SIPA1L2: variants seen among roughly 807,000 people sequenced by gnomAD.
SIPA1L2 encodes the protein signal induced proliferation associated 1 like 2.
SIPA1L2 carries 56 observed loss-of-function variants against 163.9 expected under a neutral mutation model. The observed-to-expected ratio is 0.34, with a 90% CI of 0.28 to 0.43. The LOEUF (loss-of-function observed/expected upper bound fraction) is 0.43. SIPA1L2 is among the 20% of genes least tolerant of loss of function. The pLI, the probability that SIPA1L2 is intolerant of heterozygous loss-of-function variation, is 1.00. For synonymous variants in SIPA1L2, 877 were observed against 865.7 expected, an observed-to-expected ratio of 1.01 and a Z score of -0.23; for missense variants, 1,974 against 2,193.5, an observed-to-expected ratio of 0.90 and a Z score of 2.00.
chr1:232,455,702 G>A (rs966393096), intron 10 of SIPA1L2, among the ~76,000 whole-genome samples: 20 of 122,222 alleles, frequency 1.6e-4, no homozygotes, highest in South Asian at 8.2e-4. Flanking sequence ...GCAACAGAGC[G>A]AGACTCTGTC....
At chr1:232,556,402 T>C (rs904563999) in intron 2 of SIPA1L2, among the ~76,000 whole-genome samples, 7 of 152,038 alleles carry the variant, frequency 4.6e-5, no homozygotes, top group Admixed American at 2.0e-4. Flanking sequence ...AAACTTCTTC[T>C]CTCCCTTTAG....
chr1:232,498,274 A>G (rs1666298466), intron 3 of SIPA1L2, among the ~76,000 whole-genome samples: 1 of 152,200 alleles, frequency 6.6e-6, no homozygotes, highest in South Asian at 2.1e-4. Context: ...GAGGTAGCTC[A>G]TTTCATGCCA....
At chr1:232,495,245 A>G (rs180882047) in intron 3 of SIPA1L2, among the ~76,000 whole-genome samples, 12 of 152,336 alleles carry the variant, frequency 7.9e-5, no homozygotes, top group East Asian at 3.9e-4. Context: ...CAGGGGTAGA[A>G]GCAGCAAGTA....
intron 15 of SIPA1L2, 63 bp from the exon 16 acceptor site, chr1:232,432,534 C>A: frequency 6.7e-7 from 1 of 1,500,560 alleles, no homozygotes; most frequent in Non-Finnish European, 9.2e-7. Context: ...GGCACACGGC[C>A]AAATTCAGAG....
Position 232,630,063 on chromosome 1 carries a change from C to G in SIPA1L2, c.-513G>C, listed in dbSNP as rs1663307444. On this transcript the variant is annotated 5_prime_UTR_variant, in exon 1 of 23. Coordinates refer to ENST00000674635, the MANE Select transcript of SIPA1L2 (RefSeq NM_020808.5). ...TCTCGGCCTGCGCTCGGGCGGCCGG[C>G]GGGGGCGCGGTGCTCCTCCTCCGTC... Among the ~76,000 whole-genome samples, 1 of 150,128 alleles carries G rather than the reference C, an allele frequency of 6.7e-6. No homozygotes were observed. Among genetic ancestry groups the G allele is most frequent in the South Asian group, 2.1e-4 (1 of 4,820 alleles).
At chr1:232,424,237 G>A (rs1477669462) in intron 18 of SIPA1L2, among the ~76,000 whole-genome samples, 1 of 145,536 alleles carries the variant, frequency 6.9e-6, no homozygotes, top group Non-Finnish European at 1.5e-5. Context: ...AAAATGTGTT[G>A]AGGAGGTATA....
intron 5 of SIPA1L2, among the ~76,000 whole-genome samples, chr1:232,487,407 G>A (rs1489051727): frequency 6.6e-6 from 1 of 152,128 alleles, no homozygotes; most frequent in Non-Finnish European, 1.5e-5. Context: ...CTTGACTTCG[G>A]TTGAAACAAA....
rs1558197786 is a variant in SIPA1L2 at position 232,464,987 on chromosome 1, A to G, written c.2673T>C (p.Val891=). ...CATCCCTGCAGGAACAGTTGAATAC[A>G]ACATTCTTGGAATCCTTTTCAATCA... ...IMLIEKDSKN[V]VFNCSCRDVI... The change falls in exon 9 of 23, where the codon GTT becomes GTC. Residue 891 remains valine (V), a synonymous_variant. Transcript: ENST00000674635. 4 of 1,614,222 alleles carry G rather than the reference A, an allele frequency of 2.5e-6. No homozygotes were observed. Among genetic ancestry groups the G allele is most frequent in the East Asian group, 2.2e-5 (1 of 44,886 alleles).
intron 3 of SIPA1L2, among the ~76,000 whole-genome samples, chr1:232,504,995 C>T (rs778858049): frequency 4.6e-5 from 7 of 152,094 alleles, no homozygotes; most frequent in Non-Finnish European, 8.8e-5. Context: ...AAAGTGAACA[C>T]AACTTAAAGA....
intron 3 of SIPA1L2, among the ~76,000 whole-genome samples, chr1:232,510,330 C>T (rs1413067776): frequency 2.0e-5 from 3 of 152,128 alleles, no homozygotes; most frequent in African/African-American, 7.2e-5. Flanking sequence ...ACACATTTCT[C>T]AGACCATATC....
chr1:232,625,638 C>T (rs1285317254), intron 1 of SIPA1L2, among the ~76,000 whole-genome samples: 1 of 152,164 alleles, frequency 6.6e-6, no homozygotes, highest in Non-Finnish European at 1.5e-5. Flanking sequence ...TCCTGCTGTA[C>T]TCTACACAGG....
At chr1:232,624,456 A>G (rs1182955738) in intron 1 of SIPA1L2, among the ~76,000 whole-genome samples, 1 of 152,384 alleles carries the variant, frequency 6.6e-6, no homozygotes, top group South Asian at 2.1e-4. Context: ...TGCTGACTTC[A>G]CAGGACACTA....
intron 10 of SIPA1L2, among the ~76,000 whole-genome samples, chr1:232,458,768 A>C (rs1039423823): frequency 1.3e-5 from 2 of 152,186 alleles, no homozygotes; most frequent in Non-Finnish European, 2.9e-5. Context: ...TGTACTATAA[A>C]AGAATTTTAC....
intron 2 of SIPA1L2, among the ~76,000 whole-genome samples, chr1:232,564,145 T>TCGTGTGTGTGTGTG (rs1307515862): frequency 1.6e-5 from 1 of 64,168 alleles, no homozygotes; most frequent in African/African-American, 9.7e-5. Flanking sequence ...TTTTTTTTTT[T>TCGTGTGTGTGTGTG]TTTCGTGTGT....
intron 1 of SIPA1L2, among the ~76,000 whole-genome samples, chr1:232,597,349 G>A (rs1661311965): frequency 6.6e-6 from 1 of 152,038 alleles, no homozygotes; most frequent in African/African-American, 2.4e-5. Flanking sequence ...AGCCTCTATG[G>A]TGGGACTCAG....
intron 1 of SIPA1L2, among the ~76,000 whole-genome samples, chr1:232,611,683 T>TCA (rs1452683742): frequency 6.6e-6 from 1 of 152,168 alleles, no homozygotes; most frequent in African/African-American, 2.4e-5. Flanking sequence ...AGCAAAGCAT[T>TCA]CAAGAGGTGA....
intron 10 of SIPA1L2, among the ~76,000 whole-genome samples, chr1:232,448,755 A>T (rs1663366655): frequency 6.6e-6 from 1 of 152,162 alleles, no homozygotes; most frequent in African/African-American, 2.4e-5. Context: ...GTGACAAGGG[A>T]GATTTAGGCA....
intron 4 of SIPA1L2, among the ~76,000 whole-genome samples, chr1:232,491,276 C>T (rs1023228259): frequency 2.0e-5 from 3 of 151,990 alleles, no homozygotes; most frequent in Non-Finnish European, 2.9e-5. Flanking sequence ...ACAAGCCAGG[C>T]GGAATGGAAA....
chr1:232,543,288 T>C (rs1298787071), intron 2 of SIPA1L2, among the ~76,000 whole-genome samples: 1 of 152,258 alleles, frequency 6.6e-6, no homozygotes, highest in Non-Finnish European at 1.5e-5. Context: ...CTTTTTGTCA[T>C]GATTCAAATG....
Sources: gnomAD v4.1 joint callset for allele counts (sites outside exome capture counted in the v4.1 genomes callset) on GRCh38, gnomAD v4.1.1 for gene constraint, MANE v1.5 for transcripts, NCBI Gene and HGNC (gene_info 2026-07-23, HGNC 2026-07-21) for gene names.